The following KIF5C variants were observed in gnomAD, a reference collection of about 807,000 sequenced individuals.
KIF5C encodes kinesin heavy chain isoform 5C.
A neutral mutation model predicts 125.2 loss-of-function variants in KIF5C; 18 were observed. The ratio of observed to expected loss-of-function variants is 0.14; its 90% CI spans 0.10 to 0.21. The LOEUF is 0.21. Ranked by LOEUF, KIF5C falls within the 10% of genes least tolerant of loss-of-function variation. KIF5C has a pLI of 1.00. For missense variants in KIF5C, 780 were observed against 1,183.8 expected (o/e 0.66, Z 5.01); for synonymous variants, 405 against 434.0 (o/e 0.93, Z 0.83).
At chr2:148,961,925 A>G in intron 10 of KIF5C, 46 bp from the exon 11 acceptor site, 1 of 1,586,604 alleles carries the variant, frequency 6.3e-7, no homozygotes, top group Non-Finnish European at 8.6e-7. Flanking sequence ...TGGTTTAGCT[A>G]ATGGTAATAA....
chr2:148,990,051 G>C (rs1681484763), intron 15 of KIF5C, among the ~76,000 whole-genome samples: 1 of 145,128 alleles, frequency 6.9e-6, no homozygotes, highest in South Asian at 2.1e-4. Flanking sequence ...GCTGGATTCT[G>C]GACAGGGCTC....
chr2:148,953,644 G>A (rs1025371368), intron 10 of KIF5C, among the ~76,000 whole-genome samples: 4 of 152,166 alleles, frequency 2.6e-5, no homozygotes, highest in Admixed American at 2.0e-4. Flanking sequence ...AAACCTTAGG[G>A]CAGCATGAGG....
chr2:148,918,585 T>C (rs1206931958), intron 1 of KIF5C, among the ~76,000 whole-genome samples: 1 of 152,152 alleles, frequency 6.6e-6, no homozygotes, highest in East Asian at 1.9e-4. Flanking sequence ...GGTAAATGAA[T>C]ATCTGCAGTG....
intron 1 of KIF5C, among the ~76,000 whole-genome samples, chr2:148,904,609 T>C (rs1428234510): frequency 6.6e-6 from 1 of 151,978 alleles, no homozygotes; most frequent in Non-Finnish European, 1.5e-5. Context: ...CCAGCTTGGA[T>C]GGATTGCTGC....
intron 22 of KIF5C, among the ~76,000 whole-genome samples, chr2:149,006,875 T>C (rs1682024614): frequency 6.6e-6 from 1 of 151,952 alleles, no homozygotes; most frequent in Non-Finnish European, 1.5e-5. Flanking sequence ...AAAGGTTCAG[T>C]CCGAGGAAGG....
chr2:148,920,320 A>C (rs1214152085), intron 1 of KIF5C, among the ~76,000 whole-genome samples: 1 of 152,242 alleles, frequency 6.6e-6, no homozygotes, highest in African/African-American at 2.4e-5. Context: ...AAACTCTGCA[A>C]ATATTTACTC....
rs1330120540 is a variant in KIF5C at position 149,008,053 on chromosome 2, A to G, written c.2536A>G (p.Lys846Glu). The G allele has an allele frequency of 6.2e-7, 1 of 1,612,102 alleles. No individual in the cohort carries two copies. The highest frequency in any genetic ancestry group is 1.1e-5 in the South Asian group (1 of 90,776). ...GGAGAATAACCTGGAGCAGCTCACC[A>G]AAGTTCACAAGCAGGTAGGAGAGTT... ...FLENNLEQLT[K>E]VHKQLVRDNA... Residue 846 changes from lysine (K) to glutamate (E), a missense_variant, in exon 23 of 26, where the codon AAA becomes GAA. Lys to Glu is a moderately conservative substitution (Grantham distance 56). Transcript: ENST00000435030.
At chr2:148,951,993 ATGT>A (rs1307883008) in intron 10 of KIF5C, among the ~76,000 whole-genome samples, 3 of 152,168 alleles carry the variant, frequency 2.0e-5, no homozygotes, top group Admixed American at 6.5e-5. Flanking sequence ...TTATATTGAA[ATGT>A]TGTAGACCTA....
At chr2:149,017,494 C>G (rs1229943117) in intron 25 of KIF5C, among the ~76,000 whole-genome samples, 2 of 152,312 alleles carry the variant, frequency 1.3e-5, no homozygotes, top group Non-Finnish European at 2.9e-5. Flanking sequence ...CTGCCCAGCT[C>G]CCTCGTTTTG....
At chr2:148,965,873 G>A (rs1284995632) in intron 11 of KIF5C, among the ~76,000 whole-genome samples, 1 of 152,158 alleles carries the variant, frequency 6.6e-6, no homozygotes, top group Non-Finnish European at 1.5e-5. Context: ...CCAGTTAGAT[G>A]AGTGTAATAA....
chr2:148,997,271 G>T lies in KIF5C; in HGVS notation c.2031G>T (p.Met677Ile), dbSNP rs1254541425. Residue 677 changes from methionine to isoleucine, a missense_variant, in exon 18 of 26, where the codon ATG becomes ATT. By Grantham distance (10) the Met-to-Ile change is conservative. This residue lies in a region of KIF5C where 573 missense variants were observed against 742.6 expected (regional missense o/e 0.77). Transcript: ENST00000435030. ...ATTTAAAATTCAAAACAGAAAAAATGCACGAAGTCAGCTTCCAGGATAAGG... is the reference window on the plus strand; with the variant it reads ...ATTTAAAATTCAAAACAGAAAAAATTCACGAAGTCAGCTTCCAGGATAAGG... ...ELAKLRAQEK[M>I]HEVSFQDKEK... 6.2e-7 allele frequency: 1 copy of T among 1,612,140 alleles called. No homozygotes were observed. Among genetic ancestry groups the T allele is most frequent in the South Asian group, 1.1e-5 (1 of 90,976 alleles).
At position 149,010,335 on chromosome 2, in the gene KIF5C, C is replaced by A; in HGVS notation, c.2751C>A (p.Ala917=). 6.3e-7 allele frequency: 1 copy of A among 1,584,248 alleles called. No homozygotes were observed. The highest frequency in any genetic ancestry group is 8.6e-7 in the Non-Finnish European group (1 of 1,165,964). The stretch of plus-strand genomic sequence containing the variant: ...GGGCCAAGAACATGGCCAGAAGGGC[C>A]CATTCAGCCCAGATCGGTACGTGCG... The part of the protein sequence containing the change: ...AVRAKNMARR[A]HSAQIAKPIR... The change falls in exon 24 of 26, where the codon GCC becomes GCA. Residue 917 remains alanine, a synonymous_variant. Coordinates refer to ENST00000435030, the MANE Select transcript of KIF5C (RefSeq NM_004522.3).
chr2:149,002,599 G>A (rs541462267), intron 21 of KIF5C, among the ~76,000 whole-genome samples: 27 of 152,112 alleles, frequency 1.8e-4, no homozygotes, highest in African/African-American at 5.8e-4. Context: ...AATCACTCTC[G>A]TGCAGTTCTC....
chr2:148,948,887 G>A (rs1037222502), intron 8 of KIF5C, among the ~76,000 whole-genome samples: 1 of 152,218 alleles, frequency 6.6e-6, no homozygotes, highest in Non-Finnish European at 1.5e-5. Context: ...ATTTCTCTAT[G>A]TGTAAGCAGG....
chr2:148,915,745 G>T (rs893641090), intron 1 of KIF5C, among the ~76,000 whole-genome samples: 21 of 152,330 alleles, frequency 1.4e-4, no homozygotes, highest in South Asian at 8.3e-4. Flanking sequence ...GTTTCTTTGG[G>T]AGATGATCCT....
chr2:148,878,124 A>G (rs1462361394), intron 1 of KIF5C: 1 of 152,216 alleles, frequency 6.6e-6, no homozygotes, highest in Non-Finnish European at 1.5e-5. Context: ...AACTGTTATC[A>G]TAAGTATACA....
chr2:148,923,322 G>A (rs1314393357), intron 2 of KIF5C, among the ~76,000 whole-genome samples: 1 of 152,140 alleles, frequency 6.6e-6, no homozygotes, highest in Non-Finnish European at 1.5e-5. Context: ...AGCATGTAAT[G>A]TTCCTTGCTG....
At chr2:148,893,738 AAATGAATGAATG>A (rs555774021) in intron 1 of KIF5C, among the ~76,000 whole-genome samples, 1 of 152,186 alleles carries the variant, frequency 6.6e-6, no homozygotes, top group Non-Finnish European at 1.5e-5. Flanking sequence ...ATACATGATA[AAATGAATGAATG>A]AATGAATGAA....
chr2:148,953,400 G>A (rs778734816), intron 10 of KIF5C, among the ~76,000 whole-genome samples: 1 of 152,150 alleles, frequency 6.6e-6, no homozygotes, highest in African/African-American at 2.4e-5. Context: ...TTATCCCCAA[G>A]TTAGTTAATG....
Sources: gnomAD v4.1 joint callset for allele counts (sites outside exome capture counted in the v4.1 genomes callset) on GRCh38, gnomAD v4.1.1 for gene constraint, gnomAD v4.1.1 regional missense constraint, MANE v1.5 for transcripts, NCBI Gene and HGNC (gene_info 2026-07-23, HGNC 2026-07-21) for gene names.